KDM2B: variants seen among roughly 807,000 people sequenced by gnomAD.
KDM2B encodes the protein lysine-specific demethylase 2B.
Under a neutral mutation model 150.0 loss-of-function variants are expected in KDM2B, and 26 were observed. That is an observed-to-expected ratio of 0.17 (90% CI 0.13 to 0.24). KDM2B has a LOEUF of 0.24. KDM2B is among the 10% of genes least tolerant of loss of function. KDM2B has a pLI of 1.00. For synonymous variants in KDM2B, 734 were observed against 729.5 expected, an observed-to-expected ratio of 1.01 and a Z score of -0.10; for missense variants, 1,265 against 1,816.9, an observed-to-expected ratio of 0.70 and a Z score of 5.52.
Position 121,520,920 on chromosome 12 carries a change from A to ACACCGAG in KDM2B, c.1047+58_1047+64dup, listed in dbSNP as rs1258195212. 105 of 1,239,468 alleles carry ACACCGAG rather than the reference A, an allele frequency of 8.5e-5. 1 individual carries two copies. Among genetic ancestry groups the ACACCGAG allele is most frequent in the South Asian group, 6.8e-4 (56 of 82,282 alleles). The allele number at this position is 1,239,468 out of a possible 1,614,324, so 76.8% of individuals were successfully genotyped here. On this transcript the variant is annotated intron_variant, in intron 9 of 22. Coordinates refer to ENST00000377071, the MANE Select transcript of KDM2B (RefSeq NM_032590.5). This position sits in a 1 kb window ranked among gnomAD's most constrained non-coding sequence, Gnocchi z 4.5. ...AGGACTTCAGTATGACCTGTCCCAC[A>ACACCGAG]CACCGAGCACCGGCAGAGCTCAGGG...
intron 6 of KDM2B, 58 bp downstream of exon 6, chr12:121,548,819 C>A: frequency 7.3e-7 from 1 of 1,366,240 alleles, no homozygotes; most frequent in Non-Finnish European, 1.0e-6. Flanking sequence ...CACCTCCCCA[C>A]CTCCCCAAGC....
intron 8 of KDM2B, among the ~76,000 whole-genome samples, chr12:121,523,578 T>A (rs574250451): frequency 5.3e-5 from 8 of 152,228 alleles, no homozygotes; most frequent in Admixed American, 1.3e-4. Flanking sequence ...TGGTCACCAC[T>A]GCTGGGAGCA....
chr12:121,563,968 T>C (rs1890522148), intron 4 of KDM2B, among the ~76,000 whole-genome samples: 1 of 151,690 alleles, frequency 6.6e-6, no homozygotes, highest in Non-Finnish European at 1.5e-5. Flanking sequence ...CATTTAAAAA[T>C]GATCTGGGCA....
intron 12 of KDM2B, among the ~76,000 whole-genome samples, chr12:121,478,126 T>A (rs1881597542): frequency 6.6e-6 from 1 of 151,792 alleles, no homozygotes; most frequent in Admixed American, 6.6e-5. Context: ...CGCCTTGGCC[T>A]CCCCTCCCAA....
rs1469888358 is a variant in KDM2B at position 121,453,589 on chromosome 12, G to A, written c.1735-245C>T. 1.3e-4 allele frequency among the ~76,000 whole-genome samples: 20 copies of A among 152,176 alleles called. No individual in the cohort carries two copies. The highest frequency in any genetic ancestry group is 4.8e-4 in the African/African-American group (20 of 41,432). On this transcript the variant is annotated intron_variant, in intron 12 of 22. Transcript: ENST00000377071. The surrounding 1 kb of genome is among the most constrained non-coding windows in gnomAD (Gnocchi z 6.4). Reference sequence around the variant, plus strand: ...GTGTCCTTACGAAAGGGGAACTTTTGGACACAGAGACAGACACGCACGTAG... The same window carrying A: ...GTGTCCTTACGAAAGGGGAACTTTTAGACACAGAGACAGACACGCACGTAG...
At chr12:121,534,396 T>A in intron 7 of KDM2B, 101 bp downstream of exon 7, 1 of 805,770 alleles carries the variant, frequency 1.2e-6, no homozygotes, top group East Asian at 2.5e-5. Flanking sequence ...GGGGCAGGGC[T>A]GGTTGGAGGA....
intron 4 of KDM2B, among the ~76,000 whole-genome samples, chr12:121,560,457 G>T (rs545080963): frequency 1.1e-4 from 17 of 152,294 alleles, no homozygotes; most frequent in African/African-American, 2.9e-4. Flanking sequence ...AAAACAAGCA[G>T]CTCAGGCTGA....
At chr12:121,551,044 C>CGTAA (rs1889448203) in intron 4 of KDM2B, among the ~76,000 whole-genome samples, 2 of 152,054 alleles carry the variant, frequency 1.3e-5, no homozygotes, top group South Asian at 4.1e-4. Flanking sequence ...CCTGAAAACC[C>CGTAA]GTAAGTATTT....
At chr12:121,445,439 A>G (rs1422968184) in intron 13 of KDM2B, 21 bp from the exon 14 acceptor site, 1 of 1,574,368 alleles carries the variant, frequency 6.4e-7, no homozygotes, top group East Asian at 2.3e-5. Flanking sequence ...AGGGAGAACA[A>G]GACAAGTCAT....
intron 12 of KDM2B, among the ~76,000 whole-genome samples, chr12:121,461,914 A>C (rs1555293830): frequency 6.6e-6 from 1 of 152,268 alleles, no homozygotes; most frequent in African/African-American, 2.4e-5. Flanking sequence ...AAATGGCCAG[A>C]AAGGCCAGAC....
At chr12:121,472,012 A>G (rs1236667357) in intron 12 of KDM2B, among the ~76,000 whole-genome samples, 1 of 152,028 alleles carries the variant, frequency 6.6e-6, no homozygotes, top group African/African-American at 2.4e-5. Flanking sequence ...AATCCCAGCT[A>G]CTCGGGAGGC....
chr12:121,571,562 G>A (rs1268677085), intron 4 of KDM2B, among the ~76,000 whole-genome samples: 1 of 152,014 alleles, frequency 6.6e-6, no homozygotes, highest in African/African-American at 2.4e-5. Context: ...CCAAAGCGCT[G>A]GGATTACAGG....
At chr12:121,441,744 T>C (rs989975636) in intron 19 of KDM2B, among the ~76,000 whole-genome samples, 5 of 152,202 alleles carry the variant, frequency 3.3e-5, no homozygotes, top group African/African-American at 1.2e-4. Context: ...GTATTTACCA[T>C]GGGCTTTACA....
intron 6 of KDM2B, among the ~76,000 whole-genome samples, chr12:121,547,008 T>A (rs1889106922): frequency 1.3e-5 from 2 of 151,896 alleles, no homozygotes; most frequent in Admixed American, 1.3e-4. Flanking sequence ...CCTCTGTCAT[T>A]TGAAGCTCAG....
In KDM2B at chr12:121,544,114, C is replaced by CAAA. The variant is rs57873693; in HGVS notation, c.683+4760_683+4762dup. Among the ~76,000 whole-genome samples the CAAA allele has an allele frequency of 2.0e-3, 84 of 42,828 alleles. 1 individual carries two copies. Among genetic ancestry groups the CAAA allele is most frequent in the South Asian group, 4.9e-3 (6 of 1,224 alleles). The allele number at this position is 42,828 out of a possible 152,430, so 28.1% of individuals were successfully genotyped here. On this transcript the variant is annotated intron_variant, in intron 6 of 22. Coordinates refer to ENST00000377071, the MANE Select transcript of KDM2B (RefSeq NM_032590.5). The stretch of plus-strand genomic sequence containing the variant: ...TGGGCAACAGAGAGAGACCCTGCCT[C>CAAA]AAAAAAAAAAAAAAAAAAAAAAAGC...
At chr12:121,445,639 A>G (rs1405942496) in intron 13 of KDM2B, among the ~76,000 whole-genome samples, 2 of 152,240 alleles carry the variant, frequency 1.3e-5, no homozygotes, top group Admixed American at 6.5e-5. Flanking sequence ...AGCAAGGAAC[A>G]AGACAGCTCA....
chr12:121,509,828 T>G lies in KDM2B; in HGVS notation c.1386A>C (p.Lys462Asn), dbSNP rs1555303615. The stretch of plus-strand genomic sequence containing the variant: ...TTTTGAGGAATCGCAGGGCAGGTGC[T>G]TTGGGCTTCTTCCCGAGGGCCTCCT... ...EDQEALGKKP[K>N]APALRFLKRT... is the part of the protein sequence containing the mutation. Residue 462 changes from lysine (K) to asparagine (N), a missense_variant, in exon 11 of 23, where the codon AAA becomes AAC. This residue lies in a region of KDM2B where 154 missense variants were observed against 162.5 expected (regional missense o/e 0.95). Coordinates refer to ENST00000377071, the MANE Select transcript of KDM2B (RefSeq NM_032590.5). 1.5e-5 allele frequency: 24 copies of G among 1,614,034 alleles called. No homozygotes were observed. The highest frequency in any genetic ancestry group is 1.7e-5 in the Non-Finnish European group (20 of 1,180,022).
intron 4 of KDM2B, among the ~76,000 whole-genome samples, chr12:121,569,181 C>A (rs540371727): frequency 6.6e-6 from 1 of 152,344 alleles, no homozygotes; most frequent in African/African-American, 2.4e-5. Flanking sequence ...CACCCAGCAA[C>A]CCTGGAGAAT....
intron 8 of KDM2B, chr12:121,524,688 G>A (rs1886983332): frequency 2.2e-6 from 1 of 454,376 alleles, no homozygotes; most frequent in African/African-American, 2.0e-5. Flanking sequence ...CTCCTCCGAT[G>A]GCCTCTCGAC....
Sources: allele counts gnomAD v4.1 joint callset (sites outside exome capture counted in the v4.1 genomes callset), GRCh38; gene constraint gnomAD v4.1.1; regional missense constraint gnomAD v4.1.1; non-coding constraint Gnocchi (gnomAD v3.1); transcripts MANE v1.5; gene names NCBI Gene and HGNC (gene_info 2026-07-23, HGNC 2026-07-21).